MLLT10: variants seen among roughly 807,000 people sequenced by gnomAD.
MLLT10 encodes the protein protein AF-10.
In MLLT10, 30 loss-of-function variants were observed where a neutral mutation model predicts 129.1. That is an observed-to-expected ratio of 0.23 (90% CI 0.17 to 0.32). MLLT10 has a LOEUF of 0.32. MLLT10 is among the 10% of genes least tolerant of loss of function. The pLI, the probability that MLLT10 is intolerant of heterozygous loss-of-function variation, is 1.00. For missense variants in MLLT10, 1,119 were observed against 1,268.3 expected (o/e 0.88, Z 1.79); for synonymous variants, 490 against 446.4 (o/e 1.10, Z -1.23).
intron 13 of MLLT10, among the ~76,000 whole-genome samples, chr10:21,693,598 A>G (rs2054089936): frequency 1.3e-5 from 2 of 152,184 alleles, no homozygotes. Context: ...ATGTCTATGT[A>G]TGACTTAAGT....
chr10:21,565,799 T>A (rs907502923), intron 3 of MLLT10, among the ~76,000 whole-genome samples: 3 of 151,442 alleles, frequency 2.0e-5, no homozygotes, highest in Non-Finnish European at 4.4e-5. Context: ...AGGGACCAAG[T>A]CTTGTTATGT....
chr10:21,636,329 C>T (rs1243602892), intron 8 of MLLT10, among the ~76,000 whole-genome samples: 1 of 152,146 alleles, frequency 6.6e-6, no homozygotes, highest in South Asian at 2.1e-4. Context: ...CCCTATGTTG[C>T]TTAGGCTGGT....
At chr10:21,693,613 C>T (rs905816807) in intron 13 of MLLT10, among the ~76,000 whole-genome samples, 1 of 152,092 alleles carries the variant, frequency 6.6e-6, no homozygotes, top group African/African-American at 2.4e-5. Flanking sequence ...TTAAGTCTTC[C>T]TTGGACTTAA....
intron 8 of MLLT10, among the ~76,000 whole-genome samples, chr10:21,640,901 G>C (rs892349350): frequency 2.0e-5 from 3 of 152,194 alleles, no homozygotes; most frequent in African/African-American, 7.2e-5. Flanking sequence ...TCCAAGTTGT[G>C]AATCAGGGGC....
chr10:21,613,667 CAG>C, intron 6 of MLLT10, among the ~76,000 whole-genome samples: 1 of 151,198 alleles, frequency 6.6e-6, no homozygotes, highest in East Asian at 1.9e-4. Flanking sequence ...CTTTGAGAGA[CAG>C]AGGTGGGCAG....
Position 21,547,556 on chromosome 10 carries a change from T to C in MLLT10, c.240+8644T>C, listed in dbSNP as rs531534445. ...TTTTTTTTTGGTGATAGAGTCTCAC[T>C]GTCACCCAGGCTGGAGTGCAGTAGT... On this transcript the variant is annotated intron_variant, in intron 3 of 22. Coordinates refer to ENST00000307729, the MANE Select transcript of MLLT10 (RefSeq NM_001195626.3). 7.9e-5 allele frequency among the ~76,000 whole-genome samples: 12 copies of C among 151,870 alleles called. No individual in the cohort carries two copies. In the East Asian group the frequency reaches 2.1e-3, roughly 27 times the overall value.
chr10:21,535,309 G>A (rs2033742746), intron 2 of MLLT10, among the ~76,000 whole-genome samples: 1 of 152,172 alleles, frequency 6.6e-6, no homozygotes, highest in South Asian at 2.1e-4. Context: ...GGGGAGGCTG[G>A]GGGTCGCCTT....
At chr10:21,640,271 ATTG>A (rs1184996453) in intron 8 of MLLT10, among the ~76,000 whole-genome samples, 1 of 143,822 alleles carries the variant, frequency 7.0e-6, no homozygotes, top group African/African-American at 2.5e-5. Flanking sequence ...TATATATTAT[ATTG>A]TATTATATAT....
intron 12 of MLLT10, among the ~76,000 whole-genome samples, chr10:21,681,935 T>C (rs561378846): frequency 6.6e-6 from 1 of 152,314 alleles, no homozygotes; most frequent in South Asian, 2.1e-4. Context: ...TAAATGTCTT[T>C]TAAAAAGTGA....
At chr10:21,717,938 TTTTCTTCTTTCTTCTTC>T (rs1010054727) in intron 14 of MLLT10, among the ~76,000 whole-genome samples, 1 of 148,726 alleles carries the variant, frequency 6.7e-6, no homozygotes, top group African/African-American at 2.5e-5. Flanking sequence ...CTTCTCCTTC[TTTTCTTCTTTCTTCTTC>T]TTTCTTCTTC....
intron 9 of MLLT10, among the ~76,000 whole-genome samples, chr10:21,659,849 T>C (rs1415339990): frequency 2.0e-5 from 3 of 152,068 alleles, no homozygotes; most frequent in Non-Finnish European, 4.4e-5. Flanking sequence ...AGTCCATCCA[T>C]GTTAGACCTC....
At chr10:21,680,865 G>A (rs530333794) in intron 11 of MLLT10, among the ~76,000 whole-genome samples, 1 of 152,028 alleles carries the variant, frequency 6.6e-6, no homozygotes, top group East Asian at 1.9e-4. Context: ...CCAGCTATTT[G>A]GGAGGCTGAG....
Position 21,731,027 on chromosome 10 carries a change from T to C in MLLT10, c.2191T>C (p.Leu731=), listed in dbSNP as rs767466288. The C allele has an allele frequency of 6.8e-6, 11 of 1,613,898 alleles. No individual in the cohort carries two copies. Among genetic ancestry groups the C allele is most frequent in the Non-Finnish European group, 9.3e-6 (11 of 1,179,924 alleles). Residue 731 remains leucine (L), a synonymous_variant, in exon 17 of 23, where the codon TTA becomes CTA. Transcript: ENST00000307729. ...ERQWSEGQQF[L]LEQGTPSDIL... is the part of the protein sequence containing the mutation. ...GCAGTGGAGTGAAGGACAGCAATTT[T>C]TACTAGAACAGGGTACTCCTAGTGA... is the stretch of plus-strand genomic sequence containing the variant.
At chr10:21,615,117 G>A (rs886671239) in intron 7 of MLLT10, among the ~76,000 whole-genome samples, 193 bp downstream of exon 7, 1 of 151,974 alleles carries the variant, frequency 6.6e-6, no homozygotes, top group Non-Finnish European at 1.5e-5. Context: ...GCTTGCTTCG[G>A]TGTATTTGTA....
intron 8 of MLLT10, among the ~76,000 whole-genome samples, chr10:21,633,393 G>C (rs990239726): frequency 6.6e-6 from 1 of 152,190 alleles, no homozygotes; most frequent in African/African-American, 2.4e-5. Context: ...GATACATAGT[G>C]TATTCCCAGT....
chr10:21,729,436 G>A (rs1405744706), intron 16 of MLLT10, among the ~76,000 whole-genome samples: 1 of 152,176 alleles, frequency 6.6e-6, no homozygotes, highest in African/African-American at 2.4e-5. Flanking sequence ...AGCCTGAGAT[G>A]TAACAGCCTA....
rs1353300746 is a variant in MLLT10 at position 21,584,928 on chromosome 10, G to GT, written c.241-1358dup. 6.1e-5 allele frequency among the ~76,000 whole-genome samples: 9 copies of GT among 148,032 alleles called. No homozygotes were observed. In the East Asian group the frequency reaches 7.9e-4, roughly 13 times the overall value. On this transcript the variant is annotated intron_variant, in intron 3 of 22. Coordinates refer to ENST00000307729, the MANE Select transcript of MLLT10 (RefSeq NM_001195626.3). The stretch of plus-strand genomic sequence containing the variant: ...TATATATACATTTTTTTTTATTTTT[G>GT]TTTTTTTTGAGATAGGGTTCACTCT...
chr10:21,588,080 T>C (rs1475504173), intron 4 of MLLT10, among the ~76,000 whole-genome samples: 2 of 152,240 alleles, frequency 1.3e-5, no homozygotes, highest in African/African-American at 2.4e-5. Context: ...TCTTCGATTT[T>C]CTTTTTTTTG....
intron 13 of MLLT10, among the ~76,000 whole-genome samples, chr10:21,695,061 CTTTTT>C (rs71393922): frequency 3.8e-5 from 4 of 104,026 alleles, no homozygotes; most frequent in South Asian, 3.1e-4. Flanking sequence ...TTTCTACCTT[CTTTTT>C]TTTTTTTTTT....
Sources: gnomAD v4.1 joint callset for allele counts (sites outside exome capture counted in the v4.1 genomes callset) on GRCh38, gnomAD v4.1.1 for gene constraint, MANE v1.5 for transcripts, NCBI Gene and HGNC (gene_info 2026-07-23, HGNC 2026-07-21) for gene names.